Variants in FAM114A1 observed in about 807,000 individuals in gnomAD.
The protein encoded by FAM114A1 is protein NOXP20.
In FAM114A1, 62 loss-of-function variants were observed where a neutral mutation model predicts 64.3. That is an observed-to-expected ratio of 0.96 (90% confidence interval 0.79 to 1.19). The LOEUF (loss-of-function observed/expected upper bound fraction) is 1.19. Among genes scored for constraint, FAM114A1 ranks in the 50% most tolerant of loss-of-function variants. FAM114A1 has a pLI of 0.00. For synonymous variants in FAM114A1, 254 were observed against 251.1 expected, an observed-to-expected ratio of 1.01 and a Z score of -0.11; for missense variants, 645 against 676.3, an observed-to-expected ratio of 0.95 and a Z score of 0.51.
chr4:38,899,404 A>G (rs536332962), intron 4 of FAM114A1, among the ~76,000 whole-genome samples: 2 of 151,736 alleles, frequency 1.3e-5, no homozygotes, highest in Non-Finnish European at 2.9e-5. Flanking sequence ...GGTGGAACCA[A>G]CTCCCTTTGG....
chr4:38,912,817 C>T (rs1341890606), intron 7 of FAM114A1, among the ~76,000 whole-genome samples: 2 of 152,246 alleles, frequency 1.3e-5, no homozygotes, highest in African/African-American at 4.8e-5. Flanking sequence ...GAAGTGATTT[C>T]AGTGTCACTT....
chr4:38,888,771 G>A (rs546036293), intron 3 of FAM114A1, among the ~76,000 whole-genome samples: 1 of 152,266 alleles, frequency 6.6e-6, no homozygotes, highest in African/African-American at 2.4e-5. Flanking sequence ...GAGTTATGGG[G>A]GAAGGGTGAG....
chr4:38,913,767 G>A (rs977756630), intron 7 of FAM114A1, among the ~76,000 whole-genome samples: 2 of 152,104 alleles, frequency 1.3e-5, no homozygotes, highest in Non-Finnish European at 2.9e-5. Flanking sequence ...TTTTTAAATT[G>A]AGGAAATTTA....
chr4:38,897,969 A>G (rs1162912127), intron 4 of FAM114A1, among the ~76,000 whole-genome samples: 1 of 152,046 alleles, frequency 6.6e-6, no homozygotes, highest in African/African-American at 2.4e-5. Context: ...GAAAGAAAAA[A>G]GAAAAGAGGG....
intron 13 of FAM114A1, among the ~76,000 whole-genome samples, chr4:38,936,623 G>A (rs1721130165): frequency 6.7e-6 from 1 of 148,874 alleles, no homozygotes; most frequent in South Asian, 2.1e-4. Flanking sequence ...CACAATATCG[G>A]CTCACCGCAG....
intron 4 of FAM114A1, among the ~76,000 whole-genome samples, chr4:38,892,143 A>G (rs527488314): frequency 6.6e-6 from 1 of 152,310 alleles, no homozygotes; most frequent in Non-Finnish European, 1.5e-5. Context: ...TAGCCACTAT[A>G]TTATATGGTC....
intron 9 of FAM114A1, among the ~76,000 whole-genome samples, chr4:38,926,800 C>T (rs575176191): frequency 6.6e-6 from 1 of 152,320 alleles, no homozygotes; most frequent in African/African-American, 2.4e-5. Context: ...CTGAGACTGT[C>T]TAGCCCTCCA....
chr4:38,921,119 C>T lies in FAM114A1; in HGVS notation c.946-1651C>T, dbSNP rs374081530. On this transcript the variant is annotated intron_variant, in intron 8 of 14. Coordinates refer to ENST00000358869, the MANE Select transcript of FAM114A1 (RefSeq NM_138389.4). The stretch of plus-strand genomic sequence containing the variant: ...ACTACGGCTCCACCGCTGTCTCTCT[C>T]GCCAGAGCAAGAGTTTGACCTGCAG... 1.8e-3 allele frequency among the ~76,000 whole-genome samples: 272 copies of T among 152,316 alleles called. 1 individual carries two copies. Among genetic ancestry groups the T allele is most frequent in the African/African-American group, 6.2e-3 (256 of 41,562 alleles).
At chr4:38,914,608 A>G (rs1718862096) in intron 7 of FAM114A1, 1 of 221,470 alleles carries the variant, frequency 4.5e-6, no homozygotes, top group Non-Finnish European at 8.7e-6. Context: ...AAAGTTAATC[A>G]CTCATGTGGG....
intron 4 of FAM114A1, among the ~76,000 whole-genome samples, chr4:38,903,969 TA>T (rs35623391): frequency 6.6e-6 from 1 of 152,230 alleles, no homozygotes; most frequent in African/African-American, 2.4e-5. Context: ...TTACAACTGC[TA>T]AAATGCTACT....
chr4:38,905,408 A>G (rs1424995737), intron 4 of FAM114A1, 114 bp from the exon 5 acceptor site: 1 of 811,084 alleles, frequency 1.2e-6, no homozygotes, highest in Non-Finnish European at 2.0e-6. Context: ...TTTAAAAAAA[A>G]AAAAAAAGAA....
intron 8 of FAM114A1, among the ~76,000 whole-genome samples, chr4:38,918,970 A>T (rs111582405): frequency 0.11 from 17,246 of 152,044 alleles, 1,367 homozygotes; most frequent in African/African-American, 0.22. Context: ...CAGGCCAACA[A>T]GGCAAAACCC....
chr4:38,940,663 G>T (rs940032261), intron 13 of FAM114A1, among the ~76,000 whole-genome samples: 2 of 152,052 alleles, frequency 1.3e-5, no homozygotes, highest in African/African-American at 4.8e-5. Flanking sequence ...TAGTGAAAAA[G>T]GTCTCGGTTT....
intron 13 of FAM114A1, among the ~76,000 whole-genome samples, chr4:38,937,570 G>A: frequency 6.6e-6 from 1 of 152,196 alleles, no homozygotes; most frequent in East Asian, 1.9e-4. Context: ...AGTCTGAGGT[G>A]CTGGGGGTTA....
At chr4:38,878,458 T>G (rs1283991918) in intron 3 of FAM114A1, 32 bp downstream of exon 3, 6 of 1,537,168 alleles carry the variant, frequency 3.9e-6, no homozygotes, top group Non-Finnish European at 5.3e-6. Context: ...CACTTCGGCC[T>G]AAGTTCTTGC....
intron 6 of FAM114A1, among the ~76,000 whole-genome samples, chr4:38,907,206 T>C (rs1718093077): frequency 6.6e-6 from 1 of 152,178 alleles, no homozygotes; most frequent in African/African-American, 2.4e-5. Flanking sequence ...CAAATCTGTC[T>C]TAGGAGTCAA....
rs969511517 is a variant in FAM114A1, at chr4:38,932,093, A to G, written c.1324-142A>G. On this transcript the variant is annotated intron_variant, in intron 11 of 14. Coordinates refer to ENST00000358869, the MANE Select transcript of FAM114A1 (RefSeq NM_138389.4). ...CAACATTACACTTAAAGTCTTAGAT[A>G]TGCTTGTAATCATCAGGTTAACTAT... 9.5e-5 allele frequency: 92 copies of G among 972,364 alleles called. No individual in the cohort carries two copies. The African/African-American group carries it at 1.4e-3, about 15-fold the overall frequency. The allele number at this position is 972,364 out of a possible 1,614,324, so 60.2% of individuals were successfully genotyped here.
intron 4 of FAM114A1, among the ~76,000 whole-genome samples, chr4:38,892,442 A>G (rs994060154): frequency 2.6e-4 from 40 of 152,192 alleles, no homozygotes; most frequent in Admixed American, 1.7e-3. Flanking sequence ...TTTAATTTAA[A>G]TAAATATATT....
intron 7 of FAM114A1, among the ~76,000 whole-genome samples, chr4:38,913,296 C>T (rs1231495167): frequency 1.3e-5 from 2 of 152,142 alleles, no homozygotes; most frequent in African/African-American, 2.4e-5. Context: ...TTTTGCTTAA[C>T]CAACAAAAAA....
Sources: gnomAD v4.1 joint callset for allele counts (sites outside exome capture counted in the v4.1 genomes callset) on GRCh38, gnomAD v4.1.1 for gene constraint, MANE v1.5 for transcripts, NCBI Gene and HGNC (gene_info 2026-07-23, HGNC 2026-07-21) for gene names.